The following PCGF5 variants were observed in gnomAD, a reference collection of about 807,000 sequenced individuals.
The protein encoded by PCGF5 is polycomb group RING finger protein 5.
Under a neutral mutation model 44.3 loss-of-function variants are expected in PCGF5, and 9 were observed. The ratio of observed to expected loss-of-function variants is 0.20; its 90% CI spans 0.12 to 0.35. The LOEUF is 0.35. Ranked by LOEUF, PCGF5 falls within the 10% of genes least tolerant of loss-of-function variation. PCGF5 has a pLI of 1.00. For synonymous variants in PCGF5, 95 were observed against 102.5 expected (o/e 0.93, Z 0.44); for missense variants, 146 against 305.3 (o/e 0.48, Z 3.89).
intron 2 of PCGF5, among the ~76,000 whole-genome samples, chr10:91,229,510 A>C (rs1165188793): frequency 3.9e-5 from 6 of 152,210 alleles, no homozygotes; most frequent in Admixed American, 2.0e-4. Context: ...GCTAGAGCTG[A>C]GTTCTGAATC....
At chr10:91,214,905 G>A (rs1025354621) in intron 1 of PCGF5, among the ~76,000 whole-genome samples, 2 of 152,224 alleles carry the variant, frequency 1.3e-5, no homozygotes, top group Non-Finnish European at 2.9e-5. Context: ...ATGCTTATAA[G>A]TTCAGGTTCT....
intron 3 of PCGF5, among the ~76,000 whole-genome samples, chr10:91,245,370 CAA>C: frequency 6.6e-6 from 1 of 151,846 alleles, no homozygotes; most frequent in Middle Eastern, 3.4e-3. Context: ...GCTGTGAGGC[CAA>C]AAACCTAACT....
At chr10:91,267,787 C>T (rs1564656576) in intron 8 of PCGF5, among the ~76,000 whole-genome samples, 1 of 152,134 alleles carries the variant, frequency 6.6e-6, no homozygotes, top group Non-Finnish European at 1.5e-5. Context: ...CATCCACTGC[C>T]AGCAAGATGC....
intron 3 of PCGF5, among the ~76,000 whole-genome samples, chr10:91,245,881 A>T (rs188003532): frequency 1.3e-5 from 2 of 152,260 alleles, no homozygotes; most frequent in Admixed American, 1.3e-4. Context: ...GAGTGAGAGG[A>T]TCAGTGCACT....
At chr10:91,195,453 C>CAT (rs1242745973) in intron 1 of PCGF5, among the ~76,000 whole-genome samples, 11 of 126,132 alleles carry the variant, frequency 8.7e-5, no homozygotes, top group Non-Finnish European at 1.4e-4. Flanking sequence ...TATATATATG[C>CAT]ATATATATAT....
intron 2 of PCGF5, among the ~76,000 whole-genome samples, chr10:91,240,040 A>G (rs1845282015): frequency 6.6e-6 from 1 of 152,208 alleles, no homozygotes; most frequent in Admixed American, 6.5e-5. Context: ...CCTGCCAATA[A>G]AAGTAATGCA....
intron 8 of PCGF5, among the ~76,000 whole-genome samples, chr10:91,270,453 C>T (rs946241367): frequency 6.6e-6 from 1 of 151,548 alleles, no homozygotes; most frequent in Non-Finnish European, 1.5e-5. Context: ...TTAGAATTCT[C>T]AATGTTATGC....
intron 1 of PCGF5, among the ~76,000 whole-genome samples, chr10:91,182,704 A>G (rs1462328772): frequency 6.6e-6 from 1 of 152,154 alleles, no homozygotes; most frequent in Non-Finnish European, 1.5e-5. Flanking sequence ...CCCTCTTAAC[A>G]CTGCCTTAGC....
intron 2 of PCGF5, chr10:91,227,540 T>TAC: frequency 8.3e-7 from 1 of 1,211,114 alleles, no homozygotes; most frequent in Non-Finnish European, 1.1e-6. Flanking sequence ...GTCCCTTTAG[T>TAC]TTCATCCCTC....
At chr10:91,203,732 T>C (rs947453046) in intron 1 of PCGF5, among the ~76,000 whole-genome samples, 1 of 152,250 alleles carries the variant, frequency 6.6e-6, no homozygotes, top group African/African-American at 2.4e-5. Flanking sequence ...TTCTCCGTTC[T>C]CTTAACATTT....
chr10:91,252,673 C>A (rs946494262), intron 6 of PCGF5, among the ~76,000 whole-genome samples: 1 of 152,006 alleles, frequency 6.6e-6, no homozygotes, highest in South Asian at 2.1e-4. Flanking sequence ...TCCCAAAAGT[C>A]ATCCCCCTTT....
chr10:91,274,546 G>T (rs1846260268), intron 9 of PCGF5, among the ~76,000 whole-genome samples: 1 of 152,184 alleles, frequency 6.6e-6, no homozygotes, highest in Admixed American at 6.5e-5. Flanking sequence ...GGTTACAGAA[G>T]TAAAAATGAG....
chr10:91,248,051 A>G (rs1845513731), intron 3 of PCGF5, among the ~76,000 whole-genome samples: 1 of 152,116 alleles, frequency 6.6e-6, no homozygotes, highest in Non-Finnish European at 1.5e-5. Context: ...GCTCTCTTCT[A>G]CGTGGTCTCT....
intron 8 of PCGF5, among the ~76,000 whole-genome samples, chr10:91,269,156 G>T (rs1846117725): frequency 6.6e-6 from 1 of 152,116 alleles, no homozygotes; most frequent in African/African-American, 2.4e-5. Flanking sequence ...CTGATCTTTG[G>T]ACCATCCTTT....
chr10:91,198,144 A>G (rs1844177709), intron 1 of PCGF5, among the ~76,000 whole-genome samples: 3 of 152,230 alleles, frequency 2.0e-5, no homozygotes, highest in African/African-American at 7.2e-5. Flanking sequence ...GAAGTGTCAG[A>G]TCACGTCATT....
intron 1 of PCGF5, among the ~76,000 whole-genome samples, chr10:91,213,133 G>T (rs1844483020): frequency 6.6e-6 from 1 of 152,144 alleles, no homozygotes; most frequent in Non-Finnish European, 1.5e-5. Flanking sequence ...GCTTGTAAAT[G>T]CTAATAGTTT....
At chr10:91,170,722 ATACTCT>A (rs1038426289) in intron 1 of PCGF5, among the ~76,000 whole-genome samples, 1 of 152,232 alleles carries the variant, frequency 6.6e-6, no homozygotes, top group Non-Finnish European at 1.5e-5. Flanking sequence ...AAAACGAAAC[ATACTCT>A]TACTGCACAA....
At chr10:91,257,923 G>T (rs1208974269) in intron 6 of PCGF5, among the ~76,000 whole-genome samples, 1 of 152,116 alleles carries the variant, frequency 6.6e-6, no homozygotes, top group Non-Finnish European at 1.5e-5. Context: ...ATCAGCTGAT[G>T]AATGGAAAAG....
intron 5 of PCGF5, among the ~76,000 whole-genome samples, chr10:91,249,996 G>A (rs567715947): frequency 1.1e-4 from 16 of 152,174 alleles, no homozygotes; most frequent in Admixed American, 5.9e-4. Flanking sequence ...CAGAAGTTAC[G>A]TGGTAGGTTT....
Sources: gnomAD v4.1 joint callset for allele counts (sites outside exome capture counted in the v4.1 genomes callset) on GRCh38, gnomAD v4.1.1 for gene constraint, MANE v1.5 for transcripts, NCBI Gene and HGNC (gene_info 2026-07-23, HGNC 2026-07-21) for gene names.